The following SLC38A4 variants were observed in gnomAD, a reference collection of about 807,000 sequenced individuals.
The protein encoded by SLC38A4 is sodium-coupled neutral amino acid transporter 4.
In SLC38A4, 20 loss-of-function variants were observed where a neutral mutation model predicts 63.1. The ratio of observed to expected loss-of-function variants is 0.32; its 90% CI spans 0.22 to 0.46. The LOEUF is 0.46. Ranked by LOEUF, SLC38A4 falls within the 20% of genes least tolerant of loss-of-function variation. The probability of loss-of-function intolerance (pLI) is 1.00; values close to 1 mark genes in which losing one functional copy is unlikely to be tolerated. For synonymous variants in SLC38A4, 230 were observed against 225.5 expected, an observed-to-expected ratio of 1.02 and a Z score of -0.18; for missense variants, 526 against 663.6, an observed-to-expected ratio of 0.79 and a Z score of 2.28.
chr12:46,787,071 G>A (rs1009957361), intron 5 of SLC38A4, among the ~76,000 whole-genome samples: 17 of 152,234 alleles, frequency 1.1e-4, no homozygotes, highest in African/African-American at 4.1e-4. Context: ...AGACAGTGCA[G>A]TATCCACCCT....
At chr12:46,829,824 G>C (rs1363628073), upstream of SLC38A4, among the ~76,000 whole-genome samples, 2 of 152,152 alleles carry the variant, frequency 1.3e-5, no homozygotes, top group African/African-American at 2.4e-5. Flanking sequence ...TTACGTTTAT[G>C]AACAATTAAT....
In SLC38A4 at chr12:46,766,196, A is replaced by G. The variant is rs1938295452; in HGVS notation, c.*505T>C. Reference sequence around the variant, plus strand: ...TCATGTACCTTACAGAAACAGAAACAGTTCCTAAGACATGCCTTTTGCCTC... The same window carrying G: ...TCATGTACCTTACAGAAACAGAAACGGTTCCTAAGACATGCCTTTTGCCTC... On this transcript the variant is annotated 3_prime_UTR_variant, in exon 17 of 17. Transcript: ENST00000266579. 5 of 345,522 alleles carry G rather than the reference A, an allele frequency of 1.4e-5. No homozygotes were observed. The highest frequency in any genetic ancestry group is 1.1e-4 in the South Asian group (5 of 44,418). 21.4% of individuals were successfully genotyped at this position (345,522 alleles called of 1,614,324 possible). A position where few individuals can be genotyped will look rare whatever the true frequency, so the allele number is the denominator to read the frequency against.
intron 15 of SLC38A4, 33 bp downstream of exon 15, chr12:46,769,251 G>A (rs749463804): frequency 1.2e-6 from 2 of 1,611,084 alleles, no homozygotes; most frequent in African/African-American, 2.7e-5. Flanking sequence ...CGTGAGTTTG[G>A]GTTGACCAAA....
intron 2 of SLC38A4, among the ~76,000 whole-genome samples, chr12:46,802,997 G>A (rs1939163064): frequency 6.6e-6 from 1 of 151,814 alleles, no homozygotes; most frequent in Non-Finnish European, 1.5e-5. Context: ...GTTTCTTTTA[G>A]TAACTTTGTT....
intron 5 of SLC38A4, among the ~76,000 whole-genome samples, chr12:46,786,253 T>A (rs1938760023): frequency 6.6e-6 from 1 of 152,142 alleles, no homozygotes; most frequent in African/African-American, 2.4e-5. Flanking sequence ...TCTAAACATG[T>A]ACTTTCTCTG....
intron 2 of SLC38A4, among the ~76,000 whole-genome samples, chr12:46,795,623 A>G (rs1007598072): frequency 3.1e-4 from 47 of 152,226 alleles, no homozygotes; most frequent in African/African-American, 1.1e-3. Flanking sequence ...CTTTTTTCAC[A>G]CAATGAGCCT....
intron 1 of SLC38A4, among the ~76,000 whole-genome samples, chr12:46,822,841 A>C (rs1056480238): frequency 6.6e-6 from 1 of 152,204 alleles, no homozygotes; most frequent in African/African-American, 2.4e-5. Context: ...TTAAACTTTA[A>C]GGAATTTTGG....
At chr12:46,768,648 C>A (rs974296487) in intron 15 of SLC38A4, among the ~76,000 whole-genome samples, 26 of 151,946 alleles carry the variant, frequency 1.7e-4, no homozygotes, top group African/African-American at 5.8e-4. Context: ...TAATAAGCAA[C>A]AAAAGGCTGA....
chr12:46,829,445 TAAAAA>T (rs5798002), upstream of SLC38A4, among the ~76,000 whole-genome samples: 31 of 148,420 alleles, frequency 2.1e-4, no homozygotes, highest in African/African-American at 6.7e-4. Context: ...ATGTAAAAAG[TAAAAA>T]AAAAAAAAAG....
At chr12:46,777,114 A>G in intron 12 of SLC38A4, 110 bp from the exon 13 acceptor site, 1 of 837,668 alleles carries the variant, frequency 1.2e-6, no homozygotes, top group African/African-American at 1.7e-5. Flanking sequence ...CATCATGAAG[A>G]CATATTTAGT....
chr12:46,828,731 G>T (rs994837678), upstream of SLC38A4, among the ~76,000 whole-genome samples: 6 of 152,138 alleles, frequency 3.9e-5, no homozygotes, highest in African/African-American at 1.4e-4. Context: ...CCTGGTATTT[G>T]CCCAGCACTG....
intron 13 of SLC38A4, among the ~76,000 whole-genome samples, chr12:46,776,002 T>C (rs746821018): frequency 6.6e-6 from 1 of 151,958 alleles, no homozygotes; most frequent in Non-Finnish European, 1.5e-5. Context: ...GTTTGGTTAA[T>C]AGTCAAATAT....
At chr12:46,785,045 C>T in intron 6 of SLC38A4, 59 bp downstream of exon 6, 1 of 1,328,994 alleles carries the variant, frequency 7.5e-7, no homozygotes, top group Non-Finnish European at 1.1e-6. Flanking sequence ...AAGCAACAGA[C>T]TGAAATACTC....
chr12:46,766,841 A>G, intron 16 of SLC38A4, 39 bp from the exon 17 acceptor site: 3 of 1,401,002 alleles, frequency 2.1e-6, no homozygotes, highest in Non-Finnish European at 2.0e-6. Flanking sequence ...CACAGAAACC[A>G]TACTTAGTAC....
chr12:46,829,464 G>A (rs1346542521), upstream of SLC38A4, among the ~76,000 whole-genome samples: 1 of 151,204 alleles, frequency 6.6e-6, no homozygotes, highest in Non-Finnish European at 1.5e-5. Flanking sequence ...AAAAAAGGAG[G>A]GTTAAGGTTC....
chr12:46,806,647 C>A (rs1939238426), intron 1 of SLC38A4, among the ~76,000 whole-genome samples: 1 of 151,986 alleles, frequency 6.6e-6, no homozygotes, highest in African/African-American at 2.4e-5. Context: ...TTTAAGTGAT[C>A]ATTTTATGAA....
rs563191008 is a variant in SLC38A4 at position 46,794,669 on chromosome 12, G to C, written c.-112-1486C>G. Among the ~76,000 whole-genome samples the C allele has an allele frequency of 3.3e-5, 5 of 151,720 alleles. No individual in the cohort carries two copies. In the South Asian group the frequency reaches 8.3e-4, roughly 25 times the overall value. On this transcript the variant is annotated intron_variant, in intron 2 of 16. Coordinates refer to ENST00000266579, the MANE Select transcript of SLC38A4 (RefSeq NM_018018.5). ...TTATAGCATGAAGAGATTAAAAAAA[G>C]AAAAATACAAATAAGAAGTTAAGAG...
chr12:46,798,737 A>G (rs2120850659), intron 2 of SLC38A4, among the ~76,000 whole-genome samples: 1 of 152,280 alleles, frequency 6.6e-6, no homozygotes, highest in East Asian at 1.9e-4. Flanking sequence ...CATGCCAGCC[A>G]CTGTTTTAAG....
rs1938303716 is a variant in SLC38A4, at chr12:46,766,531, A to G, written c.*170T>C. 4.3e-6 allele frequency: 3 copies of G among 689,932 alleles called. No homozygotes were observed. Among genetic ancestry groups the G allele is most frequent in the Non-Finnish European group, 8.0e-6 (3 of 376,936 alleles). The allele number at this position is 689,932 out of a possible 1,614,324, so 42.7% of individuals were successfully genotyped here. A position where few individuals can be genotyped will look rare whatever the true frequency, so the allele number is the denominator to read the frequency against. On this transcript the variant is annotated 3_prime_UTR_variant, in exon 17 of 17. Coordinates refer to ENST00000266579, the MANE Select transcript of SLC38A4 (RefSeq NM_018018.5). Reference sequence around the variant, plus strand: ...AACACATACACAACCATCCTTGACAAAAACAGTGATTTTCCTCTTCTGCAG... The same window carrying G: ...AACACATACACAACCATCCTTGACAGAAACAGTGATTTTCCTCTTCTGCAG...
Sources: gnomAD v4.1 joint callset for allele counts (sites outside exome capture counted in the v4.1 genomes callset) on GRCh38, gnomAD v4.1.1 for gene constraint, MANE v1.5 for transcripts, NCBI Gene and HGNC (gene_info 2026-07-23, HGNC 2026-07-21) for gene names.